EFR3A: variants seen among roughly 807,000 people sequenced by gnomAD.
The protein encoded by EFR3A is EFR3 homolog A, also known as protein EFR3 homolog A.
A neutral mutation model predicts 104.4 loss-of-function variants in EFR3A; 76 were observed. The observed-to-expected ratio is 0.73, with a 90% CI of 0.60 to 0.88. The LOEUF is 0.88. Among genes scored for constraint, EFR3A ranks in the 40% least tolerant of loss-of-function variants. EFR3A has a pLI of 0.00. For synonymous variants in EFR3A, 330 were observed against 330.0 expected (o/e 1.00, Z 0.00); for missense variants, 985 against 1,012.5 (o/e 0.97, Z 0.37).
Position 131,984,167 on chromosome 8 carries a change from A to G in EFR3A, c.1604A>G (p.Tyr535Cys), listed in dbSNP as rs1161950155. Residue 535 changes from tyrosine to cysteine, a missense_variant, in exon 15 of 23, where the codon TAT becomes TGT. By Grantham distance (194) the Tyr-to-Cys change is radical. Coordinates refer to ENST00000254624, the MANE Select transcript of EFR3A (RefSeq NM_015137.6). ...GGGCAACAGCTGTATCGGCACATAT[A>G]TTTGGGTTGTAAAGAGGAAGACAAC... is the stretch of plus-strand genomic sequence containing the variant. ...KNGQQLYRHI[Y>C]LGCKEEDNVQ... The G allele has an allele frequency of 6.2e-7, 1 of 1,611,634 alleles. No homozygotes were observed. The highest frequency in any genetic ancestry group is 8.5e-7 in the Non-Finnish European group (1 of 1,178,898).
intron 10 of EFR3A, among the ~76,000 whole-genome samples, chr8:131,975,057 A>G (rs1820252924): frequency 1.3e-5 from 2 of 152,240 alleles, no homozygotes; most frequent in African/African-American, 2.4e-5. Flanking sequence ...ATTAAAGGTT[A>G]TAAATCTTTT....
chr8:131,928,126 A>T (rs1306304129), intron 1 of EFR3A, among the ~76,000 whole-genome samples: 1 of 151,622 alleles, frequency 6.6e-6, no homozygotes. Context: ...CGTGTAGTTA[A>T]GTACCTTATA....
intron 8 of EFR3A, among the ~76,000 whole-genome samples, chr8:131,965,271 C>T (rs559195879): frequency 6.6e-5 from 10 of 152,056 alleles, no homozygotes; most frequent in Admixed American, 5.2e-4. Context: ...CCATCAGAGT[C>T]AACAGGCAAC....
intron 19 of EFR3A, among the ~76,000 whole-genome samples, chr8:131,997,806 C>T (rs1821571892): frequency 6.6e-6 from 1 of 151,952 alleles, no homozygotes; most frequent in South Asian, 2.1e-4. Flanking sequence ...GGTATTTTCA[C>T]CTTTCTCCTT....
intron 18 of EFR3A, among the ~76,000 whole-genome samples, chr8:131,994,461 T>C (rs1328444031): frequency 6.6e-6 from 1 of 152,146 alleles, no homozygotes. Flanking sequence ...TATCTCTGTG[T>C]ACCATGCATG....
chr8:132,009,505 T>TA (rs1176612917), intron 22 of EFR3A, among the ~76,000 whole-genome samples: 2 of 152,072 alleles, frequency 1.3e-5, no homozygotes, highest in Non-Finnish European at 2.9e-5. Context: ...CTTTGGTACT[T>TA]ACACCAGATT....
intron 12 of EFR3A, among the ~76,000 whole-genome samples, chr8:131,977,922 A>G (rs1460830606): frequency 6.6e-6 from 1 of 152,034 alleles, no homozygotes; most frequent in African/African-American, 2.4e-5. Context: ...ATTTGTTTGT[A>G]TTTTCTTATA....
chr8:131,952,969 A>G (rs1318141479), intron 5 of EFR3A, among the ~76,000 whole-genome samples: 1 of 152,202 alleles, frequency 6.6e-6, no homozygotes, highest in African/African-American at 2.4e-5. Context: ...AAGGAAGTAA[A>G]TAGCCATCAT....
intron 5 of EFR3A, among the ~76,000 whole-genome samples, chr8:131,952,781 C>T (rs1436951548): frequency 3.9e-5 from 6 of 152,150 alleles, no homozygotes; most frequent in Non-Finnish European, 8.8e-5. Context: ...TTACTGCCAC[C>T]TCCCATTGTC....
At chr8:131,944,715 A>G (rs1375427872) in intron 2 of EFR3A, 30 bp from the exon 3 acceptor site, 5 of 1,526,166 alleles carry the variant, frequency 3.3e-6, no homozygotes, top group Non-Finnish European at 4.4e-6. Flanking sequence ...GAAAATATAG[A>G]TAATCTATTT....
At chr8:131,955,631 T>C in intron 6 of EFR3A, 137 bp from the exon 7 acceptor site, 1 of 847,034 alleles carries the variant, frequency 1.2e-6, no homozygotes, top group African/African-American at 1.7e-5. Context: ...ATTCATGAAA[T>C]TAGAATTAAG....
intron 8 of EFR3A, among the ~76,000 whole-genome samples, chr8:131,961,262 C>T (rs552987296): frequency 2.2e-4 from 34 of 151,974 alleles, no homozygotes; most frequent in African/African-American, 6.8e-4. Context: ...CAAACTTCTC[C>T]GAGCTAAAGG....
intron 2 of EFR3A, among the ~76,000 whole-genome samples, chr8:131,941,557 C>G (rs1818172942): frequency 6.6e-6 from 1 of 151,986 alleles, no homozygotes; most frequent in African/African-American, 2.4e-5. Context: ...ATTAAAAACC[C>G]TAAGATATGG....
At chr8:131,907,849 C>T (rs948948135) in intron 1 of EFR3A, among the ~76,000 whole-genome samples, 2 of 151,670 alleles carry the variant, frequency 1.3e-5, no homozygotes, top group Admixed American at 1.3e-4. Context: ...CCTCCTTCCT[C>T]CCTTCTTCTA....
intron 10 of EFR3A, among the ~76,000 whole-genome samples, chr8:131,970,991 A>G (rs1820023724): frequency 6.6e-6 from 1 of 152,104 alleles, no homozygotes; most frequent in Non-Finnish European, 1.5e-5. Context: ...GTGGGAATAC[A>G]CACATACACA....
At chr8:132,007,344 T>C (rs138535501) in intron 22 of EFR3A, among the ~76,000 whole-genome samples, 1 of 152,012 alleles carries the variant, frequency 6.6e-6, no homozygotes, top group African/African-American at 2.4e-5. Flanking sequence ...TTCAGTTGTA[T>C]ATCTATATAT....
intron 1 of EFR3A, chr8:131,940,183 T>G (rs990021034): frequency 3.6e-6 from 1 of 275,694 alleles, no homozygotes; most frequent in Non-Finnish European, 7.0e-6. Context: ...TGGGTGGGGG[T>G]ATGCCGGAGT....
intron 1 of EFR3A, among the ~76,000 whole-genome samples, chr8:131,927,979 A>G (rs1406429993): frequency 1.3e-5 from 2 of 152,204 alleles, no homozygotes; most frequent in East Asian, 3.9e-4. Context: ...AAGCATTGAT[A>G]GTAATTCTGC....
At position 131,980,585 on chromosome 8, in the gene EFR3A, A is replaced by G. The variant is rs960046188; in HGVS notation, c.1575+1164A>G. On this transcript the variant is annotated intron_variant, in intron 14 of 22. Transcript: ENST00000254624. The stretch of plus-strand genomic sequence containing the variant: ...TTATGGGATATAATATGTTTTGATT[A>G]TATGTATATAATGTGGAAAGTTTAA... 2.6e-5 allele frequency among the ~76,000 whole-genome samples: 4 copies of G among 152,228 alleles called. No homozygotes were observed. In the South Asian group the frequency reaches 8.3e-4, roughly 32 times the overall value.
Sources: allele counts gnomAD v4.1 joint callset (sites outside exome capture counted in the v4.1 genomes callset), GRCh38; gene constraint gnomAD v4.1.1; transcripts MANE v1.5; gene names NCBI Gene and HGNC (gene_info 2026-07-23, HGNC 2026-07-21).